KCTD1: variants seen among roughly 807,000 people sequenced by gnomAD.
The protein encoded by KCTD1 is potassium channel tetramerization domain containing 1, also known as BTB/POZ domain-containing protein KCTD1.
In KCTD1, 24 loss-of-function variants were observed where a neutral mutation model predicts 66.0. The observed-to-expected ratio is 0.36, with a 90% confidence interval of 0.26 to 0.51. The LOEUF (loss-of-function observed/expected upper bound fraction) is 0.51. KCTD1 is among the 20% of genes least tolerant of loss of function. The pLI is 0.95. For synonymous variants in KCTD1, 511 were observed against 517.2 expected, an observed-to-expected ratio of 0.99 and a Z score of 0.16; for missense variants, 943 against 1,205.2, an observed-to-expected ratio of 0.78 and a Z score of 3.22.
intron 1 of KCTD1, among the ~76,000 whole-genome samples, chr18:26,615,218 C>T (rs1423428506): frequency 2.0e-5 from 3 of 152,210 alleles, no homozygotes; most frequent in Admixed American, 2.0e-4. Flanking sequence ...AGTCCTGAGG[C>T]TCAGCAGACT....
At chr18:26,645,333 T>C (rs1215492292), upstream of KCTD1, among the ~76,000 whole-genome samples, 1 of 152,152 alleles carries the variant, frequency 6.6e-6, no homozygotes, top group Admixed American at 6.5e-5. Flanking sequence ...CACAGCAGCC[T>C]CAAAGTTCTG....
rs557237446 is a variant in KCTD1 at position 26,464,067 on chromosome 18, G to A, written c.2134-4142C>T. On this transcript the variant is annotated intron_variant, in intron 3 of 4. Coordinates refer to ENST00000580059, the MANE Select transcript of KCTD1 (RefSeq NM_001142730.3). ...ATATCCTCCCTAGAGGGAGGAAAAC[G>A]ATATATTCAGTGTATTAGGTTCCTA... is the stretch of plus-strand genomic sequence containing the variant. Among the ~76,000 whole-genome samples, 8 of 152,328 alleles carry A rather than the reference G, an allele frequency of 5.3e-5. No individual in the cohort carries two copies. In the East Asian group the frequency reaches 1.2e-3, roughly 22 times the overall value.
intron 1 of KCTD1, among the ~76,000 whole-genome samples, chr18:26,513,863 A>G (rs1478230241): frequency 2.0e-5 from 3 of 152,254 alleles, no homozygotes; most frequent in Non-Finnish European, 4.4e-5. Context: ...CAAAAGTATG[A>G]GTGCAAAAAA....
At chr18:26,651,957 A>G (rs966512558) in intron 1 of KCTD1, among the ~76,000 whole-genome samples, 3 of 152,084 alleles carry the variant, frequency 2.0e-5, no homozygotes, top group African/African-American at 7.2e-5. Flanking sequence ...TACTTGCCTC[A>G]CAGTCTTGTT....
intron 2 of KCTD1, among the ~76,000 whole-genome samples, chr18:26,482,700 C>T (rs1216259294): frequency 6.6e-6 from 1 of 152,172 alleles, no homozygotes; most frequent in Non-Finnish European, 1.5e-5. Flanking sequence ...TAACTCGACA[C>T]CAGGCCTGGC....
chr18:26,603,852 G>A (rs1201075320), intron 1 of KCTD1, among the ~76,000 whole-genome samples: 1 of 151,844 alleles, frequency 6.6e-6, no homozygotes, highest in Non-Finnish European at 1.5e-5. Context: ...CATTGGAAAA[G>A]GTATCTGAAA....
At chr18:26,583,847 C>T (rs1321520026) in intron 1 of KCTD1, among the ~76,000 whole-genome samples, 2 of 152,152 alleles carry the variant, frequency 1.3e-5, no homozygotes, top group African/African-American at 2.4e-5. Flanking sequence ...CTCCTAAGGA[C>T]GCTGGAGGAA....
intron 1 of KCTD1, among the ~76,000 whole-genome samples, chr18:26,634,645 G>A (rs115895913): frequency 1.3e-5 from 2 of 152,174 alleles, no homozygotes; most frequent in Non-Finnish European, 2.9e-5. Context: ...TTAAGTAAAT[G>A]CTGTCAATCT....
upstream of KCTD1, among the ~76,000 whole-genome samples, chr18:26,641,544 T>G (rs1198576760): frequency 6.6e-6 from 1 of 152,132 alleles, no homozygotes; most frequent in Non-Finnish European, 1.5e-5. Flanking sequence ...CTTTTTTCAT[T>G]TCCCCACTGG....
At chr18:26,606,529 A>G in intron 1 of KCTD1, among the ~76,000 whole-genome samples, 1 of 152,188 alleles carries the variant, frequency 6.6e-6, no homozygotes, top group East Asian at 1.9e-4. Context: ...AAATAACTAC[A>G]TGCTAGTTCT....
intron 1 of KCTD1, among the ~76,000 whole-genome samples, chr18:26,576,102 G>T (rs1986219447): frequency 6.6e-6 from 1 of 152,120 alleles, no homozygotes; most frequent in South Asian, 2.1e-4. Flanking sequence ...TGCTCCATCC[G>T]CTTCAGTAGG....
At chr18:26,608,557 G>A (rs2144987017) in intron 1 of KCTD1, among the ~76,000 whole-genome samples, 1 of 152,306 alleles carries the variant, frequency 6.6e-6, no homozygotes, top group South Asian at 2.1e-4. Context: ...GGGGAGCACA[G>A]CAGTCCATAT....
At chr18:26,498,868 TATATAGCGCCAGA>T (rs1982613346) in intron 2 of KCTD1, among the ~76,000 whole-genome samples, 1 of 152,146 alleles carries the variant, frequency 6.6e-6, no homozygotes. Flanking sequence ...TACCTCATAA[TATATAGCGCCAGA>T]ATAATGAAAG....
At chr18:26,498,357 A>T (rs1434392362) in intron 2 of KCTD1, among the ~76,000 whole-genome samples, 1 of 151,626 alleles carries the variant, frequency 6.6e-6, no homozygotes, top group East Asian at 1.9e-4. Context: ...GTATTTCAGT[A>T]TCAGGTTAGG....
chr18:26,554,097 AAAG>A (rs1285202663), intron 1 of KCTD1, among the ~76,000 whole-genome samples: 6 of 137,406 alleles, frequency 4.4e-5, no homozygotes, highest in Non-Finnish European at 9.9e-5. Flanking sequence ...AAAGAAAGAA[AAAG>A]AAGGAAGGAG....
intron 2 of KCTD1, among the ~76,000 whole-genome samples, chr18:26,490,820 T>C (rs1409947217): frequency 1.3e-5 from 2 of 151,268 alleles, no homozygotes; most frequent in Non-Finnish European, 3.0e-5. Flanking sequence ...TAGTGTGATC[T>C]CGGCTCACTG....
chr18:26,573,118 C>T (rs1598947515), intron 1 of KCTD1, among the ~76,000 whole-genome samples: 1 of 151,834 alleles, frequency 6.6e-6, no homozygotes, highest in Non-Finnish European at 1.5e-5. Flanking sequence ...TTCATAACAC[C>T]TTACCATCCT....
rs531843296 is a variant in KCTD1, at chr18:26,602,316, A to G, written c.-16+26831T>C. On this transcript the variant is annotated intron_variant, in intron 1 of 4. Coordinates refer to the KCTD1 transcript ENST00000317932. ...TTCTTGGGATAAATCTCATTTGATC[A>G]TGGTTTCATATATTGCTGGATTCCA... is the stretch of plus-strand genomic sequence containing the variant. 7.9e-5 allele frequency among the ~76,000 whole-genome samples: 12 copies of G among 152,290 alleles called. No homozygotes were observed. In the South Asian group the frequency reaches 2.5e-3, roughly 32 times the overall value.
At chr18:26,550,918 C>G (rs941049919), upstream of KCTD1, among the ~76,000 whole-genome samples, 7 of 152,220 alleles carry the variant, frequency 4.6e-5, no homozygotes, top group African/African-American at 1.7e-4. This position sits in a 1 kb window ranked among gnomAD's most constrained non-coding sequence, Gnocchi z 5.4. Flanking sequence ...CGGCAAGTTA[C>G]CTACCAGGGG....
Sources: gnomAD v4.1 joint callset for allele counts (sites outside exome capture counted in the v4.1 genomes callset) on GRCh38, gnomAD v4.1.1 for gene constraint, Gnocchi (gnomAD v3.1) non-coding constraint, MANE v1.5 for transcripts, NCBI Gene and HGNC (gene_info 2026-07-23, HGNC 2026-07-21) for gene names.